DCUN1D1: variants seen among roughly 807,000 people sequenced by gnomAD.
DCUN1D1 encodes DCN1-like protein 1.
In DCUN1D1, 3 loss-of-function variants were observed where a neutral mutation model predicts 39.0. The observed-to-expected ratio is 0.08, with a 90% CI of 0.04 to 0.20. DCUN1D1 has a LOEUF of 0.20. Ranked by LOEUF, DCUN1D1 falls within the 10% of genes least tolerant of loss-of-function variation. DCUN1D1 has a pLI of 1.00. For synonymous variants in DCUN1D1, 82 were observed against 96.3 expected (o/e 0.85, Z 0.87); for missense variants, 158 against 302.4 (o/e 0.52, Z 3.54).
In DCUN1D1 at chr3:182,944,954, T is replaced by A. The variant is rs1337035542; in HGVS notation, c.*140A>T. ...GAAATACGATATGGTCCAAGATGTA[T>A]CCTTAAAGTTTTGTCTCAACCCTCA... On this transcript the variant is annotated 3_prime_UTR_variant, in exon 7 of 7. Coordinates refer to ENST00000292782, the MANE Select transcript of DCUN1D1 (RefSeq NM_020640.4). 2 of 680,308 alleles carry A rather than the reference T, an allele frequency of 2.9e-6. No individual in the cohort carries two copies. The highest frequency in any genetic ancestry group is 1.8e-5 in the South Asian group (1 of 54,646). 42.1% of individuals were successfully genotyped at this position (680,308 alleles called of 1,614,324 possible).
rs34998390 is a variant in DCUN1D1 at position 182,957,937 on chromosome 3, C to CAAAAAAA, written c.520+3282_520+3288dup. Among the ~76,000 whole-genome samples the CAAAAAAA allele has an allele frequency of 4.2e-4, 28 of 67,446 alleles. 1 individual carries two copies. Among genetic ancestry groups the CAAAAAAA allele is most frequent in the African/African-American group, 7.1e-4 (11 of 15,528 alleles). The allele number at this position is 67,446 out of a possible 152,430, so 44.2% of individuals were successfully genotyped here. Reference sequence around the variant, plus strand: ...TGGGCAACAGAGCAAGACCCTGCATCAAAAAAAAAAAAAAAAAAAAAAAAC... The same window carrying CAAAAAAA: ...TGGGCAACAGAGCAAGACCCTGCATCAAAAAAAAAAAAAAAAAAAAAAAAAAAAAAAC... On this transcript the variant is annotated intron_variant, in intron 4 of 6. Coordinates refer to ENST00000292782, the MANE Select transcript of DCUN1D1 (RefSeq NM_020640.4).
At chr3:182,973,432 T>C (rs1416064992) in intron 1 of DCUN1D1, among the ~76,000 whole-genome samples, 1 of 152,254 alleles carries the variant, frequency 6.6e-6, no homozygotes, top group Non-Finnish European at 1.5e-5. Flanking sequence ...AGGGTATTAC[T>C]GTACTACTAA....
At position 182,939,697 on chromosome 3, in the gene DCUN1D1, G is replaced by C. The variant is rs571134348; in HGVS notation, c.*5397C>G. 1.7e-4 allele frequency: 26 copies of C among 152,322 alleles called. No homozygotes were observed. The highest frequency in any genetic ancestry group is 3.9e-4 in the Admixed American group (6 of 15,280). 9.4% of individuals were successfully genotyped at this position (152,322 alleles called of 1,614,324 possible). On this transcript the variant is annotated 3_prime_UTR_variant, in exon 7 of 7. Coordinates refer to ENST00000292782, the MANE Select transcript of DCUN1D1 (RefSeq NM_020640.4). ...TGTGGCTGCGTGGGGCTGGAGGCAG[G>C]AGCAAATTAACCGCAGAGCAGCAGG... is the stretch of plus-strand genomic sequence containing the variant.
In DCUN1D1 at chr3:182,966,916, G is replaced by A. The variant is rs915754201; in HGVS notation, c.4-1163C>T. Among the ~76,000 whole-genome samples the A allele has an allele frequency of 2.0e-5, 3 of 152,192 alleles. No individual in the cohort carries two copies. The East Asian group carries it at 5.8e-4, about 29-fold the overall frequency. ...GAAGTCAGGAGTTCAAGACCAGCCT[G>A]CCCAACATGGTGAAACCCCGTCTCT... On this transcript the variant is annotated intron_variant, in intron 1 of 6. Transcript: ENST00000292782.
At position 182,939,573 on chromosome 3, in the gene DCUN1D1, A is replaced by C. The variant is rs1390458428; in HGVS notation, c.*5521T>G. 1.3e-5 allele frequency: 2 copies of C among 152,228 alleles called. No individual in the cohort carries two copies. The highest frequency in any genetic ancestry group is 2.9e-5 in the Non-Finnish European group (2 of 68,040). The allele number at this position is 152,228 out of a possible 1,614,324, so 9.4% of individuals were successfully genotyped here. A position where few individuals can be genotyped will look rare whatever the true frequency, so the allele number is the denominator to read the frequency against. ...GCTGCAACATGGATGAACCTCAAAA[A>C]CATGCTAAGTGAAAGATGCCAGATA... On this transcript the variant is annotated 3_prime_UTR_variant, in exon 7 of 7. Coordinates refer to ENST00000292782, the MANE Select transcript of DCUN1D1 (RefSeq NM_020640.4).
Position 182,980,469 on chromosome 3 carries a change from G to GCGGC in DCUN1D1, c.3+14_3+17dup, listed in dbSNP as rs773191144. On this transcript the variant is annotated intron_variant, in intron 1 of 6. Coordinates refer to ENST00000292782, the MANE Select transcript of DCUN1D1 (RefSeq NM_020640.4). ...GGCCCCCAGCCGGCAGGGCGGGCGG[G>GCGGC]CGGCCGCAGTGCCTCACCATGTTGG... The GCGGC allele has an allele frequency of 9.6e-4, 1,127 of 1,177,456 alleles. 3 individuals are homozygous for GCGGC. Among genetic ancestry groups the GCGGC allele is most frequent in the Non-Finnish European group, 1.1e-3 (1,052 of 940,298 alleles). The allele number at this position is 1,177,456 out of a possible 1,614,324, so 72.9% of individuals were successfully genotyped here. A position where few individuals can be genotyped will look rare whatever the true frequency, so the allele number is the denominator to read the frequency against.
chr3:182,955,249 G>A (rs547573548), intron 4 of DCUN1D1: 1 of 514,190 alleles, frequency 1.9e-6, no homozygotes, highest in East Asian at 5.2e-5. Context: ...TTCACTTGAG[G>A]GTCTCCTCCT....
upstream of DCUN1D1, chr3:182,980,808 T>C (rs1405328688): frequency 6.5e-6 from 1 of 153,152 alleles, no homozygotes; most frequent in African/African-American, 2.4e-5. Flanking sequence ...GGGCGGTCTC[T>C]GGTGGGGGCG....
chr3:182,944,943 T>C lies in DCUN1D1; in HGVS notation c.*151A>G. On this transcript the variant is annotated 3_prime_UTR_variant, in exon 7 of 7. Coordinates refer to ENST00000292782, the MANE Select transcript of DCUN1D1 (RefSeq NM_020640.4). ...ATTAGAAGAATGAAATACGATATGG[T>C]CCAAGATGTATCCTTAAAGTTTTGT... 1 of 646,536 alleles carries C rather than the reference T, an allele frequency of 1.5e-6. No individual in the cohort carries two copies. The highest frequency in any genetic ancestry group is 2.7e-6 in the Non-Finnish European group (1 of 374,152). 40.0% of individuals were successfully genotyped at this position (646,536 alleles called of 1,614,324 possible).
At chr3:182,972,817 C>A (rs374749659) in intron 1 of DCUN1D1, among the ~76,000 whole-genome samples, 1 of 152,082 alleles carries the variant, frequency 6.6e-6, no homozygotes, top group South Asian at 2.1e-4. Context: ...AAGAGGGGGG[C>A]GGATCACCTG....
chr3:182,954,632 T>A (rs1278315031), intron 4 of DCUN1D1, among the ~76,000 whole-genome samples: 1 of 152,160 alleles, frequency 6.6e-6, no homozygotes, highest in Non-Finnish European at 1.5e-5. Context: ...GTAAAAACAA[T>A]GTGATGAGGT....
intron 4 of DCUN1D1, chr3:182,955,860 C>T (rs558984287): frequency 4.5e-4 from 87 of 195,208 alleles, no homozygotes; most frequent in Middle Eastern, 2.0e-3. Context: ...GGATTACAGG[C>T]GTGAGCCACC....
intron 3 of DCUN1D1, among the ~76,000 whole-genome samples, chr3:182,962,780 TTTG>T (rs1340383100): frequency 6.6e-6 from 1 of 152,158 alleles, no homozygotes; most frequent in Admixed American, 6.5e-5. Context: ...TGGTTTTTGT[TTTG>T]TTGTTGTTGT....
chr3:182,959,521 A>AAC (rs1560170563), intron 4 of DCUN1D1, among the ~76,000 whole-genome samples: 1 of 150,392 alleles, frequency 6.6e-6, no homozygotes, highest in Non-Finnish European at 1.5e-5. Flanking sequence ...AAAAAAAAAA[A>AAC]AAAAACCTCA....
chr3:182,952,720 TG>T (rs1212243210), intron 4 of DCUN1D1, among the ~76,000 whole-genome samples: 1 of 152,170 alleles, frequency 6.6e-6, no homozygotes, highest in Non-Finnish European at 1.5e-5. Flanking sequence ...CTCCTGAAAG[TG>T]TTGATAATCC....
intron 1 of DCUN1D1, among the ~76,000 whole-genome samples, chr3:182,970,627 G>GA (rs1727887974): frequency 6.6e-6 from 1 of 152,126 alleles, no homozygotes; most frequent in South Asian, 2.1e-4. Context: ...AGGATTTGAT[G>GA]AATCTAGCTC....
At chr3:182,985,691 C>T (rs1728711931) in intron 1 of DCUN1D1, 1 of 152,116 alleles carries the variant, frequency 6.6e-6, no homozygotes, top group Non-Finnish European at 1.5e-5. Flanking sequence ...GGATTCTTAT[C>T]AGAACGAAGG....
At position 182,940,058 on chromosome 3, in the gene DCUN1D1, A is replaced by C. The variant is rs1023507573; in HGVS notation, c.*5036T>G. On this transcript the variant is annotated 3_prime_UTR_variant, in exon 7 of 7. Transcript: ENST00000292782. Reference sequence around the variant, plus strand: ...CTTACTGATTAAATATTGCTCTTTTAGCTATAAGTCATGTAATTATGTGAC... The same window carrying C: ...CTTACTGATTAAATATTGCTCTTTTCGCTATAAGTCATGTAATTATGTGAC... The C allele has an allele frequency of 4.6e-5, 7 of 152,212 alleles. No individual in the cohort carries two copies. The highest frequency in any genetic ancestry group is 7.3e-5 in the Non-Finnish European group (5 of 68,040). The allele number at this position is 152,212 out of a possible 1,614,324, so 9.4% of individuals were successfully genotyped here.
chr3:182,951,488 T>C (rs1276803275), intron 4 of DCUN1D1, among the ~76,000 whole-genome samples: 2 of 151,426 alleles, frequency 1.3e-5, no homozygotes, highest in Admixed American at 1.3e-4. Context: ...TGGTTGTACA[T>C]GCCTGTAGTC....
Sources: allele counts gnomAD v4.1 joint callset (sites outside exome capture counted in the v4.1 genomes callset), GRCh38; gene constraint gnomAD v4.1.1; transcripts MANE v1.5; gene names NCBI Gene and HGNC (gene_info 2026-07-23, HGNC 2026-07-21).